Variants in DCHS2 observed in about 807,000 individuals in gnomAD.
DCHS2 encodes dachsous cadherin-related 2, also known as protocadherin-23.
A neutral mutation model predicts 182.4 loss-of-function variants in DCHS2; 142 were observed. The ratio of observed to expected loss-of-function variants is 0.78; its 90% CI spans 0.68 to 0.89. The LOEUF (loss-of-function observed/expected upper bound fraction) is 0.89, where lower values mean the gene tolerates loss of function less well. Among genes scored for constraint, DCHS2 ranks in the 40% least tolerant of loss-of-function variants. The pLI, the probability that DCHS2 is intolerant of heterozygous loss-of-function variation, is 0.00. For synonymous variants in DCHS2, 1,740 were observed against 1,663.3 expected (o/e 1.05, Z -1.12); for missense variants, 4,319 against 4,198.6 (o/e 1.03, Z -0.79).
chr4:154,420,540 C>A (rs1733070069), intron 1 of DCHS2, among the ~76,000 whole-genome samples: 1 of 152,130 alleles, frequency 6.6e-6, no homozygotes. Flanking sequence ...TAGTACAAGT[C>A]CCAGAGTCTA....
intron 3 of DCHS2, among the ~76,000 whole-genome samples, chr4:154,360,360 G>A (rs575026152): frequency 6.6e-6 from 1 of 152,170 alleles, no homozygotes; most frequent in Non-Finnish European, 1.5e-5. Flanking sequence ...CAGCTAATTT[G>A]TAAGGTTCTT....
chr4:154,427,047 T>C (rs1733359774), intron 1 of DCHS2, among the ~76,000 whole-genome samples: 1 of 152,206 alleles, frequency 6.6e-6, no homozygotes, highest in Admixed American at 6.5e-5. Context: ...TTTCACTTGA[T>C]AAATGTTTGA....
Position 154,333,109 on chromosome 4 carries a change from C to T in DCHS2, c.3099G>A (p.Gly1033=). ...PGVFAIDRAL[G]VLFLNGSLGA... is the part of the protein sequence containing the mutation. Reference sequence around the variant, plus strand: ...CCAGGCTGCCGTTGAGGAACAGCACCCCCAGGGCTCTGTCGATGGCAAAGA... The same window carrying T: ...CCAGGCTGCCGTTGAGGAACAGCACTCCCAGGGCTCTGTCGATGGCAAAGA... Residue 1033 remains glycine, a synonymous_variant, in exon 5 of 20, where the codon GGG becomes GGA. Coordinates refer to ENST00000357232, the MANE Select transcript of DCHS2 (RefSeq NM_001358235.2). The T allele has an allele frequency of 1.2e-6, 2 of 1,614,098 alleles. No homozygotes were observed. The highest frequency in any genetic ancestry group is 1.1e-5 in the South Asian group (1 of 91,078).
chr4:154,440,493 C>A (rs190066184), intron 1 of DCHS2, among the ~76,000 whole-genome samples: 302 of 152,086 alleles, frequency 2.0e-3, no homozygotes, highest in Non-Finnish European at 3.4e-3. Context: ...CCTAATTGCC[C>A]GCATGAAATT....
chr4:154,415,955 A>G (rs2110902256), intron 1 of DCHS2, among the ~76,000 whole-genome samples: 1 of 152,226 alleles, frequency 6.6e-6, no homozygotes, highest in South Asian at 2.1e-4. Context: ...TTTATCTTCT[A>G]TATTCATTTT....
intron 1 of DCHS2, among the ~76,000 whole-genome samples, chr4:154,396,879 G>A (rs534554791): frequency 8.5e-5 from 13 of 152,198 alleles, no homozygotes; most frequent in South Asian, 4.2e-4. Context: ...AATTCTCAGC[G>A]CTACTTCTCT....
chr4:154,400,960 C>T (rs6828604), intron 1 of DCHS2, among the ~76,000 whole-genome samples: 107,477 of 152,052 alleles, frequency 0.71, 39,783 homozygotes, highest in Admixed American at 0.81. Context: ...TGCAATGACC[C>T]TAAGGTATAG....
At chr4:154,259,493 G>A (rs1164091836) in intron 15 of DCHS2, 52 bp downstream of exon 15, 8 of 1,575,784 alleles carry the variant, frequency 5.1e-6, no homozygotes, top group Non-Finnish European at 6.9e-6. Context: ...CTCTCACACA[G>A]ACACACCCAC....
intron 1 of DCHS2, among the ~76,000 whole-genome samples, chr4:154,396,498 A>G (rs1285010397): frequency 2.6e-5 from 4 of 152,188 alleles, no homozygotes; most frequent in African/African-American, 9.6e-5. Flanking sequence ...TATAACTCCA[A>G]TTTGTTGACA....
intron 14 of DCHS2, among the ~76,000 whole-genome samples, chr4:154,266,438 C>T (rs961039915): frequency 1.1e-4 from 17 of 152,094 alleles, no homozygotes; most frequent in South Asian, 4.2e-4. Flanking sequence ...GGGTGGATCA[C>T]GAGGACAGGA....
At chr4:154,279,058 T>C (rs1284944611) in intron 13 of DCHS2, among the ~76,000 whole-genome samples, 1 of 152,146 alleles carries the variant, frequency 6.6e-6, no homozygotes, top group Admixed American at 6.6e-5. Context: ...ACTAGGTTAA[T>C]GGATATGCAA....
In DCHS2 at chr4:154,242,743, A is replaced by T. The variant is rs1282571614; in HGVS notation, c.6971T>A (p.Met2324Lys). 6 of 1,612,292 alleles carry T rather than the reference A, an allele frequency of 3.7e-6. 1 individual carries two copies. The South Asian group carries it at 4.4e-5, about 12-fold the overall frequency. The stretch of plus-strand genomic sequence containing the variant: ...TACAGTCGTATTAGAAAGCCTGGGC[A>T]TCCCTTTATCTGTGGCTTGGACAAT... Reference protein sequence around the residue: ...SLIVQATDKGMPRLSNTTVIK... With the variant: ...SLIVQATDKGKPRLSNTTVIK... Residue 2324 changes from methionine (M) to lysine (K), a missense_variant, in exon 17 of 20, where the codon ATG (methionine) becomes AAG (lysine). Met to Lys is a moderately conservative substitution (Grantham distance 95, BLOSUM62 -1). Transcript: ENST00000357232.
intron 1 of DCHS2, among the ~76,000 whole-genome samples, chr4:154,478,027 T>G (rs959915428): frequency 4.6e-5 from 7 of 152,150 alleles, no homozygotes; most frequent in African/African-American, 1.7e-4. Context: ...CATGCAATAA[T>G]TTGTTTACAC....
At chr4:154,455,882 G>T (rs984784288) in intron 1 of DCHS2, among the ~76,000 whole-genome samples, 1 of 152,118 alleles carries the variant, frequency 6.6e-6, no homozygotes, top group African/African-American at 2.4e-5. Context: ...TTGAGGCCAG[G>T]AGTTCGAGCC....
At chr4:154,418,934 A>G (rs1039388431) in intron 1 of DCHS2, among the ~76,000 whole-genome samples, 1 of 152,244 alleles carries the variant, frequency 6.6e-6, no homozygotes, top group Admixed American at 6.5e-5. Context: ...GAAAAACAGC[A>G]TGAATGCTGA....
At chr4:154,484,683 C>T (rs1579126409) in intron 1 of DCHS2, among the ~76,000 whole-genome samples, 2 of 152,348 alleles carry the variant, frequency 1.3e-5, no homozygotes, top group East Asian at 1.9e-4. Context: ...CATAATTTCC[C>T]TAATGGGCTA....
At chr4:154,271,108 A>T (rs1267215960) in intron 13 of DCHS2, among the ~76,000 whole-genome samples, 1 of 152,202 alleles carries the variant, frequency 6.6e-6, no homozygotes, top group Non-Finnish European at 1.5e-5. Context: ...AGAGGCAAGA[A>T]GACAATCCTT....
intron 1 of DCHS2, among the ~76,000 whole-genome samples, chr4:154,488,601 T>TA (rs869163187): frequency 8.0e-5 from 6 of 74,538 alleles, no homozygotes; most frequent in African/African-American, 1.7e-4. Flanking sequence ...ATAAAGCTGT[T>TA]AAAAAAATAT....
At position 154,490,126 on chromosome 4, in the gene DCHS2, C is replaced by T; in HGVS notation, c.1230G>A (p.Arg410=). ...TGAGAAAGAGCACGTGAATTGCTGG[C>T]CGGTTGTCATTCACGTCCAGCACGG... ...SIAVLDVNDN[R]PAIHVLFLTE... The change falls in exon 1 of 20, where the codon CGG becomes CGA. Residue 410 remains arginine, a synonymous_variant. Transcript: ENST00000357232. 1.3e-6 allele frequency: 2 copies of T among 1,547,770 alleles called. No homozygotes were observed. Among genetic ancestry groups the T allele is most frequent in the Non-Finnish European group, 1.7e-6 (2 of 1,145,144 alleles).
Sources: gnomAD v4.1 joint callset for allele counts (sites outside exome capture counted in the v4.1 genomes callset) on GRCh38, gnomAD v4.1.1 for gene constraint, MANE v1.5 for transcripts, NCBI Gene and HGNC (gene_info 2026-07-23, HGNC 2026-07-21) for gene names.